PPM1H: variants seen among roughly 807,000 people sequenced by gnomAD.
PPM1H encodes the protein protein phosphatase 1H.
Under a neutral mutation model 54.9 loss-of-function variants are expected in PPM1H, and 27 were observed. The observed-to-expected ratio is 0.49, with a 90% CI of 0.36 to 0.68. PPM1H has a LOEUF of 0.68. Ranked by LOEUF, PPM1H falls within the 30% of genes least tolerant of loss-of-function variation. The pLI is 0.00. For missense variants in PPM1H, 596 were observed against 667.8 expected, an observed-to-expected ratio of 0.89 and a Z score of 1.19; for synonymous variants, 305 against 270.8, an observed-to-expected ratio of 1.13 and a Z score of -1.24.
chr12:62,771,082 ACACAC>A (rs1319964230), intron 4 of PPM1H, among the ~76,000 whole-genome samples: 2 of 148,388 alleles, frequency 1.3e-5, no homozygotes, highest in Middle Eastern at 3.5e-3. Flanking sequence ...ACACACACAC[ACACAC>A]AACTGTGTTT....
At chr12:62,866,792 T>C (rs950032848) in intron 1 of PPM1H, among the ~76,000 whole-genome samples, 1 of 152,112 alleles carries the variant, frequency 6.6e-6, no homozygotes, top group Non-Finnish European at 1.5e-5. Context: ...GAGACTGGGA[T>C]AACCTGTACA....
chr12:62,763,478 C>T (rs498988), intron 4 of PPM1H, among the ~76,000 whole-genome samples: 53,962 of 151,894 alleles, frequency 0.36, 9,710 homozygotes, highest in Middle Eastern at 0.47. Context: ...TGCTTTTCAG[C>T]TGTGAGACTA....
chr12:62,774,392 A>G (rs2076597552), intron 4 of PPM1H, among the ~76,000 whole-genome samples: 1 of 152,060 alleles, frequency 6.6e-6, no homozygotes, highest in Non-Finnish European at 1.5e-5. Flanking sequence ...GTCAGGCTGG[A>G]GTGCAGTGGC....
intron 5 of PPM1H, among the ~76,000 whole-genome samples, chr12:62,727,259 C>A (rs538652022): frequency 2.6e-5 from 4 of 152,136 alleles, no homozygotes; most frequent in South Asian, 4.2e-4. Context: ...AGCATAGCAC[C>A]CAACATAGTA....
chr12:62,847,168 G>A (rs1007386265), intron 1 of PPM1H, among the ~76,000 whole-genome samples: 6 of 152,216 alleles, frequency 3.9e-5, no homozygotes, highest in African/African-American at 1.4e-4. Context: ...AGAAGGGGAA[G>A]AGAGGGAGAG....
intron 5 of PPM1H, chr12:62,721,013 C>T (rs920968931): frequency 6.6e-6 from 1 of 152,314 alleles, no homozygotes; most frequent in Non-Finnish European, 1.5e-5. Flanking sequence ...CCACATGCTG[C>T]AAGCAGGCCT....
At chr12:62,835,968 G>GA (rs1475830334) in intron 1 of PPM1H, among the ~76,000 whole-genome samples, 5 of 152,230 alleles carry the variant, frequency 3.3e-5, no homozygotes, top group African/African-American at 1.2e-4. Context: ...TTCACAAGCT[G>GA]AGGAGCAGCA....
intron 6 of PPM1H, among the ~76,000 whole-genome samples, chr12:62,701,245 G>T (rs190773662): frequency 4.6e-5 from 7 of 152,074 alleles, no homozygotes; most frequent in Non-Finnish European, 8.8e-5. Context: ...ATGCTGTTCC[G>T]GCTGATGCTC....
intron 1 of PPM1H, among the ~76,000 whole-genome samples, chr12:62,866,510 A>C (rs1869781249): frequency 6.6e-6 from 1 of 152,140 alleles, no homozygotes; most frequent in Non-Finnish European, 1.5e-5. Context: ...TGGATCATTC[A>C]CCACGAGGAA....
intron 2 of PPM1H, among the ~76,000 whole-genome samples, chr12:62,813,897 G>C (rs1014348841): frequency 2.6e-5 from 4 of 151,760 alleles, no homozygotes; most frequent in African/African-American, 9.7e-5. Context: ...AATTAACACT[G>C]TATCACTGTT....
At chr12:62,889,115 T>A (rs1370792167) in intron 1 of PPM1H, among the ~76,000 whole-genome samples, 1 of 152,124 alleles carries the variant, frequency 6.6e-6, no homozygotes, top group African/African-American at 2.4e-5. Context: ...TTAACCCACT[T>A]CCATTCCACA....
intron 4 of PPM1H, among the ~76,000 whole-genome samples, chr12:62,746,180 G>A (rs2076409351): frequency 6.6e-6 from 1 of 151,976 alleles, no homozygotes; most frequent in Non-Finnish European, 1.5e-5. Context: ...GGGCAACAGA[G>A]CAAGATCCTG....
intron 1 of PPM1H, among the ~76,000 whole-genome samples, chr12:62,889,428 C>T (rs978844365): frequency 3.3e-5 from 5 of 152,118 alleles, no homozygotes; most frequent in Middle Eastern, 3.4e-3. Context: ...AAGGCTGAGG[C>T]GAGAGATTAC....
At chr12:62,798,656 A>C (rs7300333) in intron 3 of PPM1H, among the ~76,000 whole-genome samples, 6 of 152,166 alleles carry the variant, frequency 3.9e-5, no homozygotes, top group South Asian at 4.1e-4. Flanking sequence ...GATATGGCAC[A>C]TCTGGGCCTG....
intron 2 of PPM1H, among the ~76,000 whole-genome samples, chr12:62,818,038 A>T (rs563408199): frequency 1.3e-5 from 2 of 152,328 alleles, no homozygotes; most frequent in Non-Finnish European, 2.9e-5. Flanking sequence ...CTTGGAATGC[A>T]TGTGTTCAGA....
intron 1 of PPM1H, among the ~76,000 whole-genome samples, chr12:62,857,808 A>C (rs766435930): frequency 6.6e-6 from 1 of 152,058 alleles, no homozygotes; most frequent in Non-Finnish European, 1.5e-5. Context: ...TTTATATTAA[A>C]CATTTATTAT....
At chr12:62,788,391 C>A in intron 3 of PPM1H, 53 bp from the exon 4 acceptor site, 1 of 1,124,256 alleles carries the variant, frequency 8.9e-7, no homozygotes, top group Non-Finnish European at 1.3e-6. Flanking sequence ...GTAGCAAAAG[C>A]TTTCTCACTT....
chr12:62,819,162 A>C (rs1592615722), intron 2 of PPM1H, among the ~76,000 whole-genome samples: 7 of 101,810 alleles, frequency 6.9e-5, no homozygotes, highest in African/African-American at 2.0e-4. Context: ...ATGGAGTCTC[A>C]CTCTGTCGCC....
At chr12:62,914,067 A>C (rs897949175) in intron 1 of PPM1H, among the ~76,000 whole-genome samples, 1 of 152,204 alleles carries the variant, frequency 6.6e-6, no homozygotes, top group African/African-American at 2.4e-5. Flanking sequence ...ACCAAGTCTC[A>C]GGTTGAAATC....
Sources: gnomAD v4.1 joint callset for allele counts (sites outside exome capture counted in the v4.1 genomes callset) on GRCh38, gnomAD v4.1.1 for gene constraint, MANE v1.5 for transcripts, NCBI Gene and HGNC (gene_info 2026-07-23, HGNC 2026-07-21) for gene names.